PNPT1: variants seen among roughly 807,000 people sequenced by gnomAD.
PNPT1 encodes polyribonucleotide nucleotidyltransferase 1, also known as polyribonucleotide nucleotidyltransferase 1, mitochondrial.
A neutral mutation model predicts 119.5 loss-of-function variants in PNPT1; 53 were observed. That is an observed-to-expected ratio of 0.44 (90% CI 0.36 to 0.56). The LOEUF (loss-of-function observed/expected upper bound fraction) is 0.56. PNPT1 is among the 20% of genes least tolerant of loss of function. The probability of loss-of-function intolerance (pLI) is 0.00; values close to 1 mark genes in which losing one functional copy is unlikely to be tolerated. For synonymous variants in PNPT1, 357 were observed against 322.1 expected (o/e 1.11, Z -1.16); for missense variants, 948 against 938.5 (o/e 1.01, Z -0.13).
Position 55,684,951 on chromosome 2 carries a change from C to T in PNPT1, c.395G>A (p.Arg132Gln), listed in dbSNP as rs1320187955. The change falls in exon 4 of 28, where the codon CGA becomes CAA. Residue 132 changes from arginine (R) to glutamine (Q), a missense_variant. Physicochemically the swap from Arg to Gln is conservative, Grantham distance 43 (BLOSUM62 1). Coordinates refer to ENST00000447944, the MANE Select transcript of PNPT1 (RefSeq NM_033109.5). ...CTATGTTAATATCTTACCTATTATT[C>T]GACTTGTTAGAATTTCTTTATCAGA... ...GTSDKEILTSRIIDRSIRPLF... is the reference protein window; with the variant it reads ...GTSDKEILTSQIIDRSIRPLF... 4.5e-6 allele frequency: 7 copies of T among 1,569,186 alleles called. No homozygotes were observed. Among genetic ancestry groups the T allele is most frequent in the Non-Finnish European group, 6.1e-6 (7 of 1,150,354 alleles).
chr2:55,661,937 T>G lies in PNPT1; in HGVS notation c.1247+19A>C, dbSNP rs753668753. The G allele has an allele frequency of 6.5e-7, 1 of 1,537,352 alleles. No individual in the cohort carries two copies. The highest frequency in any genetic ancestry group is 1.3e-5 in the South Asian group (1 of 79,100). On this transcript the variant is annotated intron_variant, in intron 14 of 27. Transcript: ENST00000447944. ...AGAACATCATAAAACGTAACAAACA[T>G]CTTAAAAACATAACTTACTTTATAG...
At chr2:55,656,503 T>C (rs1323719675) in intron 15 of PNPT1, 132 bp from the exon 16 acceptor site, 1 of 770,364 alleles carries the variant, frequency 1.3e-6, no homozygotes, top group Non-Finnish European at 2.0e-6. Context: ...AGTACATTCA[T>C]AAATATACAG....
intron 8 of PNPT1, among the ~76,000 whole-genome samples, chr2:55,677,038 C>A (rs1340317672): frequency 6.6e-6 from 1 of 152,120 alleles, no homozygotes; most frequent in Non-Finnish European, 1.5e-5. Context: ...TTTGATGCAT[C>A]TTTATGAAAG....
intron 15 of PNPT1, among the ~76,000 whole-genome samples, chr2:55,657,563 T>C (rs1239317439): frequency 6.6e-6 from 1 of 151,218 alleles, no homozygotes; most frequent in Non-Finnish European, 1.5e-5. Context: ...AATTTTGTAC[T>C]TTTAGTAGGA....
At chr2:55,657,601 G>A (rs1298943982) in intron 15 of PNPT1, among the ~76,000 whole-genome samples, 1 of 151,352 alleles carries the variant, frequency 6.6e-6, no homozygotes, top group African/African-American at 2.4e-5. Context: ...GGTCAGGCTG[G>A]TCTTGAACTC....
intron 1 of PNPT1, among the ~76,000 whole-genome samples, chr2:55,690,085 G>A (rs936857542): frequency 6.6e-6 from 1 of 152,176 alleles, no homozygotes; most frequent in African/African-American, 2.4e-5. Context: ...GCCTCTCAAA[G>A]TGCTAGGATT....
chr2:55,675,013 T>C (rs1697022095), intron 8 of PNPT1, among the ~76,000 whole-genome samples: 1 of 152,164 alleles, frequency 6.6e-6, no homozygotes, highest in Non-Finnish European at 1.5e-5. Flanking sequence ...ATTGTCCCAG[T>C]ACTTTGGGAG....
chr2:55,668,207 T>A (rs1179740332), intron 11 of PNPT1, among the ~76,000 whole-genome samples: 2 of 152,224 alleles, frequency 1.3e-5, no homozygotes. Flanking sequence ...AATGACTGAA[T>A]GACAGTGCTT....
In PNPT1 at chr2:55,634,881, T is replaced by A. The variant is rs1222759630; in HGVS notation, c.*1356A>T. The A allele has an allele frequency of 6.6e-6, 1 of 151,704 alleles. No individual in the cohort carries two copies. Among genetic ancestry groups the A allele is most frequent in the Non-Finnish European group, 1.5e-5 (1 of 67,974 alleles). The allele number at this position is 151,704 out of a possible 1,614,324, so 9.4% of individuals were successfully genotyped here. On this transcript the variant is annotated 3_prime_UTR_variant, in exon 28 of 28. Coordinates refer to ENST00000447944, the MANE Select transcript of PNPT1 (RefSeq NM_033109.5). ...AGATATACCTACATTTTTATAAGATTTAAAATTTTTTTTAGAGATAAGAGT... is the reference window on the plus strand; with the variant it reads ...AGATATACCTACATTTTTATAAGATATAAAATTTTTTTTAGAGATAAGAGT...
chr2:55,673,659 A>G (rs1017484038), intron 8 of PNPT1, among the ~76,000 whole-genome samples: 13 of 152,076 alleles, frequency 8.5e-5, no homozygotes, highest in Middle Eastern at 3.2e-3. Context: ...TGTGTTAGCC[A>G]GGATGGTCTC....
chr2:55,655,240 A>G (rs1696349230), intron 17 of PNPT1, among the ~76,000 whole-genome samples: 1 of 152,130 alleles, frequency 6.6e-6, no homozygotes. Flanking sequence ...TCATCACAAA[A>G]AGTTTTATTT....
intron 15 of PNPT1, among the ~76,000 whole-genome samples, chr2:55,659,284 T>C (rs1381373033): frequency 6.6e-6 from 1 of 152,194 alleles, no homozygotes; most frequent in Non-Finnish European, 1.5e-5. Context: ...ATAATAAAAT[T>C]AAAAGTACTT....
At chr2:55,685,406 T>C (rs1050855154) in intron 3 of PNPT1, among the ~76,000 whole-genome samples, 4 of 152,122 alleles carry the variant, frequency 2.6e-5, no homozygotes, top group African/African-American at 9.7e-5. Context: ...CCTGTGCCCA[T>C]AGTCCTAGCT....
chr2:55,652,687 TATC>T (rs1326051417), intron 18 of PNPT1, among the ~76,000 whole-genome samples: 2 of 152,074 alleles, frequency 1.3e-5, no homozygotes, highest in Non-Finnish European at 1.5e-5. Flanking sequence ...TTACACAAGA[TATC>T]ATAAAGATAT....
At chr2:55,663,881 G>T (rs553452829) in intron 13 of PNPT1, among the ~76,000 whole-genome samples, 12 of 152,134 alleles carry the variant, frequency 7.9e-5, no homozygotes, top group Non-Finnish European at 1.8e-4. Context: ...TACTTGGGAG[G>T]CTGAGGCAGG....
At chr2:55,675,698 AAAAGAAAG>A (rs758856556) in intron 8 of PNPT1, among the ~76,000 whole-genome samples, 2 of 152,108 alleles carry the variant, frequency 1.3e-5, no homozygotes, top group African/African-American at 4.8e-5. Context: ...CTGTCTTAAA[AAAAGAAAG>A]AAAGAAAGAA....
At chr2:55,681,405 T>A (rs755849356) in intron 5 of PNPT1, among the ~76,000 whole-genome samples, 2 of 151,832 alleles carry the variant, frequency 1.3e-5, no homozygotes, top group Non-Finnish European at 2.9e-5. Context: ...AGAATCTGTC[T>A]CTAAATAAAT....
chr2:55,676,029 G>C (rs1009539876), intron 8 of PNPT1, among the ~76,000 whole-genome samples: 7 of 152,078 alleles, frequency 4.6e-5, no homozygotes, highest in South Asian at 2.1e-4. Flanking sequence ...GGGAAGCTGA[G>C]GCAGGTGGAT....
intron 19 of PNPT1, 63 bp from the exon 20 acceptor site, chr2:55,646,549 G>A: frequency 7.4e-7 from 1 of 1,349,472 alleles, no homozygotes; most frequent in East Asian, 2.3e-5. Context: ...CATATTCACT[G>A]TAGAAACATT....
Sources: allele counts gnomAD v4.1 joint callset (sites outside exome capture counted in the v4.1 genomes callset), GRCh38; gene constraint gnomAD v4.1.1; transcripts MANE v1.5; gene names NCBI Gene and HGNC (gene_info 2026-07-23, HGNC 2026-07-21).